The following DIAPH3 variants were observed in gnomAD, a reference collection of about 807,000 sequenced individuals.
The protein encoded by DIAPH3 is diaphanous related formin 3, also known as protein diaphanous homolog 3.
A neutral mutation model predicts 144.3 loss-of-function variants in DIAPH3; 117 were observed. That is an observed-to-expected ratio of 0.81 (90% CI 0.70 to 0.95). The LOEUF (loss-of-function observed/expected upper bound fraction) is 0.95, where lower values mean the gene tolerates loss of function less well. DIAPH3 is among the 40% of genes least tolerant of loss of function. DIAPH3 has a pLI of 0.00. For missense variants in DIAPH3, 1,421 were observed against 1,412.7 expected (o/e 1.01, Z -0.09); for synonymous variants, 519 against 488.9 (o/e 1.06, Z -0.81).
At chr13:59,911,684 G>T (rs748593720) in intron 20 of DIAPH3, 51 bp downstream of exon 20, 88 of 1,323,464 alleles carry the variant, frequency 6.6e-5, no homozygotes, top group Non-Finnish European at 9.3e-5. Context: ...CAGTTGACAG[G>T]TTCTCTTGTT....
At chr13:59,958,633 GA>G (rs2049549680) in intron 17 of DIAPH3, among the ~76,000 whole-genome samples, 1 of 151,394 alleles carries the variant, frequency 6.6e-6, no homozygotes, top group South Asian at 2.1e-4. Flanking sequence ...TTATTTCCCA[GA>G]AAAAAATGAA....
intron 4 of DIAPH3, among the ~76,000 whole-genome samples, chr13:60,092,633 A>T (rs1329050285): frequency 6.6e-6 from 1 of 152,142 alleles, no homozygotes; most frequent in Non-Finnish European, 1.5e-5. Flanking sequence ...CCTGGGCGAC[A>T]GAGTGAGACT....
chr13:59,952,794 G>T (rs1165293671), intron 17 of DIAPH3, among the ~76,000 whole-genome samples: 5 of 152,248 alleles, frequency 3.3e-5, no homozygotes, highest in Admixed American at 1.3e-4. Context: ...AAGACAGTTT[G>T]CTTGAGGAGG....
At chr13:59,829,840 G>T (rs1377439700) in intron 24 of DIAPH3, among the ~76,000 whole-genome samples, 1 of 151,856 alleles carries the variant, frequency 6.6e-6, no homozygotes, top group East Asian at 1.9e-4. Flanking sequence ...AACATTGCAT[G>T]GAAAACTGCC....
chr13:59,833,010 GT>G, intron 24 of DIAPH3, 96 bp downstream of exon 24: 1 of 935,648 alleles, frequency 1.1e-6, no homozygotes, highest in Non-Finnish European at 1.6e-6. Flanking sequence ...GAAAAGATAG[GT>G]TTTCCTACAG....
At chr13:59,825,083 A>T (rs969462986) in intron 24 of DIAPH3, among the ~76,000 whole-genome samples, 2 of 151,988 alleles carry the variant, frequency 1.3e-5, no homozygotes, top group Non-Finnish European at 2.9e-5. Flanking sequence ...CATGTGCACA[A>T]TGTGCAGGTT....
chr13:59,914,413 T>C (rs890809441), intron 19 of DIAPH3, among the ~76,000 whole-genome samples: 1 of 152,242 alleles, frequency 6.6e-6, no homozygotes, highest in Non-Finnish European at 1.5e-5. Flanking sequence ...GCTGGTTTTA[T>C]ATTTAGAAAG....
intron 19 of DIAPH3, among the ~76,000 whole-genome samples, chr13:59,912,186 T>C (rs1350076087): frequency 6.6e-6 from 1 of 152,138 alleles, no homozygotes; most frequent in African/African-American, 2.4e-5. Flanking sequence ...GAATTAAATG[T>C]CAGAAATTTC....
intron 4 of DIAPH3, among the ~76,000 whole-genome samples, chr13:60,073,315 A>T (rs563787218): frequency 6.6e-6 from 1 of 152,282 alleles, no homozygotes; most frequent in East Asian, 1.9e-4. Context: ...TCTCAAAAAA[A>T]AAAAAAAGAT....
At chr13:60,013,143 G>A in intron 7 of DIAPH3, 2 of 985,316 alleles carry the variant, frequency 2.0e-6, no homozygotes, top group African/African-American at 1.7e-5. Flanking sequence ...TTTCCTGAAT[G>A]TCAAGGACCC....
intron 17 of DIAPH3, among the ~76,000 whole-genome samples, chr13:59,925,630 G>A (rs2047716338): frequency 6.6e-6 from 1 of 152,106 alleles, no homozygotes. Context: ...AGGAATTGGT[G>A]TTAGTTCTTC....
At chr13:59,971,324 A>T (rs2050362483) in intron 15 of DIAPH3, among the ~76,000 whole-genome samples, 164 bp from the exon 16 acceptor site, 1 of 152,168 alleles carries the variant, frequency 6.6e-6, no homozygotes, top group African/African-American at 2.4e-5. Flanking sequence ...TTTTTCTTCT[A>T]ATTTAAGAAT....
intron 23 of DIAPH3, among the ~76,000 whole-genome samples, chr13:59,833,512 T>C (rs1433841972): frequency 1.3e-5 from 2 of 151,818 alleles, no homozygotes; most frequent in African/African-American, 2.4e-5. Context: ...TTAATATTTC[T>C]CTTTAACAAG....
intron 27 of DIAPH3, among the ~76,000 whole-genome samples, chr13:59,678,111 T>C (rs1403369261): frequency 6.6e-6 from 1 of 152,192 alleles, no homozygotes; most frequent in Non-Finnish European, 1.5e-5. Context: ...GTGACCTTTA[T>C]GCTATTCTCC....
chr13:59,956,582 C>T (rs2049419201), intron 17 of DIAPH3, among the ~76,000 whole-genome samples: 1 of 152,244 alleles, frequency 6.6e-6, no homozygotes, highest in Admixed American at 6.5e-5. Flanking sequence ...TCATGGAGAG[C>T]CTCTGCTAGG....
intron 27 of DIAPH3, among the ~76,000 whole-genome samples, chr13:59,770,031 G>A (rs1022294272): frequency 2.0e-5 from 3 of 152,000 alleles, no homozygotes; most frequent in African/African-American, 7.2e-5. Context: ...TATTTAATAA[G>A]TAGCCCTCCA....
chr13:59,822,205 T>C (rs1403299104), intron 24 of DIAPH3, among the ~76,000 whole-genome samples: 3 of 152,180 alleles, frequency 2.0e-5, no homozygotes, highest in Non-Finnish European at 4.4e-5. Context: ...TTTCCCATTG[T>C]GTGTTCTCTT....
At chr13:59,782,734 G>A (rs1003697995) in intron 25 of DIAPH3, among the ~76,000 whole-genome samples, 2 of 152,106 alleles carry the variant, frequency 1.3e-5, no homozygotes, top group African/African-American at 4.8e-5. Context: ...ACAGGGTGGT[G>A]GGCATGTAGT....
At chr13:59,701,068 C>A (rs2034085864) in intron 27 of DIAPH3, among the ~76,000 whole-genome samples, 1 of 151,994 alleles carries the variant, frequency 6.6e-6, no homozygotes, top group Admixed American at 6.6e-5. Context: ...ATATACATTG[C>A]ATGTATGTAT....
Sources: gnomAD v4.1 joint callset for allele counts (sites outside exome capture counted in the v4.1 genomes callset) on GRCh38, gnomAD v4.1.1 for gene constraint, MANE v1.5 for transcripts, NCBI Gene and HGNC (gene_info 2026-07-23, HGNC 2026-07-21) for gene names.